SIMC1: variants seen among roughly 807,000 people sequenced by gnomAD.
SIMC1 encodes SUMO interacting motifs containing 1.
A neutral mutation model predicts 82.3 loss-of-function variants in SIMC1; 55 were observed. The ratio of observed to expected loss-of-function variants is 0.67; its 90% CI spans 0.54 to 0.84. SIMC1 has a LOEUF of 0.84. Among genes scored for constraint, SIMC1 ranks in the 40% least tolerant of loss-of-function variants. The probability of loss-of-function intolerance (pLI) is 0.00; values close to 1 mark genes in which losing one functional copy is unlikely to be tolerated. For missense variants in SIMC1, 915 were observed against 1,107.2 expected (o/e 0.83, Z 2.46); for synonymous variants, 353 against 426.3 (o/e 0.83, Z 2.12).
At chr5:176,338,985 A>G (rs3915381) in intron 9 of SIMC1, among the ~76,000 whole-genome samples, 21,511 of 152,152 alleles carry the variant, frequency 0.14, 1,553 homozygotes, top group Middle Eastern at 0.21. Flanking sequence ...TTTAATGTTC[A>G]TTGAATCTGT....
At chr5:176,265,068 G>T (rs546209648) in intron 1 of SIMC1, among the ~76,000 whole-genome samples, 10 of 152,202 alleles carry the variant, frequency 6.6e-5, no homozygotes, top group African/African-American at 2.4e-4. Context: ...AAATGAAACT[G>T]TCCCTATTTC....
chr5:176,294,253 A>T (rs532029890), intron 2 of SIMC1, among the ~76,000 whole-genome samples: 8 of 150,688 alleles, frequency 5.3e-5, no homozygotes, highest in Non-Finnish European at 8.8e-5. Context: ...GCTTTTTCCC[A>T]TGTCATTAAA....
chr5:176,328,669 T>C (rs1462046794), intron 7 of SIMC1, among the ~76,000 whole-genome samples: 1 of 152,020 alleles, frequency 6.6e-6, no homozygotes, highest in Non-Finnish European at 1.5e-5. Context: ...AAAATCAAGT[T>C]CACAGGGTGC....
intron 1 of SIMC1, among the ~76,000 whole-genome samples, chr5:176,284,740 G>C (rs1763186723): frequency 6.6e-6 from 1 of 151,914 alleles, no homozygotes; most frequent in Admixed American, 6.6e-5. Context: ...GAATCTAGGA[G>C]CTGGGCAATA....
chr5:176,246,960 T>A (rs1178507912), intron 1 of SIMC1, among the ~76,000 whole-genome samples: 1 of 152,164 alleles, frequency 6.6e-6, no homozygotes, highest in Admixed American at 6.5e-5. Context: ...TATGGCTGCA[T>A]AGTATTCCAT....
intron 1 of SIMC1, among the ~76,000 whole-genome samples, chr5:176,284,261 C>G (rs1367553630): frequency 6.6e-6 from 1 of 152,196 alleles, no homozygotes; most frequent in African/African-American, 2.4e-5. Context: ...CCAAAACTGA[C>G]CACATAGTTG....
intron 1 of SIMC1, among the ~76,000 whole-genome samples, chr5:176,284,547 C>T (rs1460107189): frequency 6.6e-6 from 1 of 152,166 alleles, no homozygotes; most frequent in African/African-American, 2.4e-5. Flanking sequence ...AAATTTATAG[C>T]ACTAAATGCC....
chr5:176,288,494 G>C (rs899345926), intron 1 of SIMC1, among the ~76,000 whole-genome samples: 1 of 152,020 alleles, frequency 6.6e-6, no homozygotes, highest in Non-Finnish European at 1.5e-5. Flanking sequence ...TTAGCAGTTG[G>C]CTATGGGAGA....
At chr5:176,260,794 C>A (rs1321110122) in intron 1 of SIMC1, among the ~76,000 whole-genome samples, 3 of 152,114 alleles carry the variant, frequency 2.0e-5, no homozygotes, top group African/African-American at 2.4e-5. Flanking sequence ...GAGATACAAT[C>A]TACTTCTGTG....
At chr5:176,320,544 A>G (rs1213253772) in intron 5 of SIMC1, among the ~76,000 whole-genome samples, 1 of 151,688 alleles carries the variant, frequency 6.6e-6, no homozygotes, top group African/African-American at 2.4e-5. Context: ...AATTTTTAGT[A>G]TTTTTAGTAG....
intron 4 of SIMC1, chr5:176,313,438 T>C: frequency 6.5e-7 from 1 of 1,548,964 alleles, no homozygotes; most frequent in Middle Eastern, 1.7e-4. Flanking sequence ...CCTAGATCCT[T>C]TGAACAAGTA....
intron 5 of SIMC1, among the ~76,000 whole-genome samples, chr5:176,315,556 A>G (rs1320969354): frequency 2.0e-5 from 3 of 152,182 alleles, no homozygotes; most frequent in Non-Finnish European, 4.4e-5. Flanking sequence ...GGCTCTTACT[A>G]GAAGGGTGTA....
intron 1 of SIMC1, chr5:176,263,616 G>T (rs2560155): frequency 1.6e-5 from 21 of 1,292,756 alleles, no homozygotes; most frequent in Admixed American, 9.9e-5. Flanking sequence ...CATTTATGAG[G>T]GATCTGTCCC....
At chr5:176,273,318 CAG>C (rs769373350) in intron 1 of SIMC1, among the ~76,000 whole-genome samples, 8 of 152,152 alleles carry the variant, frequency 5.3e-5, no homozygotes, top group South Asian at 4.1e-4. Flanking sequence ...CTCAGGCAAA[CAG>C]GGTCTGGAAT....
intron 7 of SIMC1, among the ~76,000 whole-genome samples, chr5:176,328,990 T>C (rs779771864): frequency 6.6e-6 from 1 of 152,190 alleles, no homozygotes; most frequent in African/African-American, 2.4e-5. Context: ...GTGTATATCC[T>C]TTACACTGTT....
intron 1 of SIMC1, among the ~76,000 whole-genome samples, chr5:176,274,028 G>T (rs1384022132): frequency 9.9e-4 from 148 of 149,150 alleles, no homozygotes; most frequent in African/African-American, 2.9e-3. Context: ...CCAGTAATGG[G>T]ATGGCTGGGT....
intron 1 of SIMC1, among the ~76,000 whole-genome samples, chr5:176,264,451 T>C (rs1360415295): frequency 1.3e-5 from 2 of 152,238 alleles, no homozygotes; most frequent in Non-Finnish European, 2.9e-5. Context: ...TCTACAGACT[T>C]AACACCACAT....
intron 4 of SIMC1, among the ~76,000 whole-genome samples, chr5:176,307,594 GT>G (rs1764481375): frequency 6.6e-6 from 1 of 152,042 alleles, no homozygotes; most frequent in South Asian, 2.1e-4. Flanking sequence ...TAGAGACGGG[GT>G]TTCACTGTGT....
chr5:176,263,776 T>A (rs2113153420), intron 1 of SIMC1, among the ~76,000 whole-genome samples: 1 of 152,300 alleles, frequency 6.6e-6, no homozygotes, highest in South Asian at 2.1e-4. Context: ...CCCTTCCCAA[T>A]AATTTCCAAA....
Sources: gnomAD v4.1 joint callset for allele counts (sites outside exome capture counted in the v4.1 genomes callset) on GRCh38, gnomAD v4.1.1 for gene constraint, MANE v1.5 for transcripts, NCBI Gene and HGNC (gene_info 2026-07-23, HGNC 2026-07-21) for gene names.